The following TNFRSF11B variants were observed in gnomAD, a reference collection of about 807,000 sequenced individuals.
TNFRSF11B encodes the protein tumor necrosis factor receptor superfamily member 11B.
TNFRSF11B carries 16 observed loss-of-function variants against 43.4 expected under a neutral mutation model. The ratio of observed to expected loss-of-function variants is 0.37; its 90% CI spans 0.25 to 0.56. TNFRSF11B has a LOEUF of 0.56. Among genes scored for constraint, TNFRSF11B ranks in the 20% least tolerant of loss-of-function variants. The probability of loss-of-function intolerance (pLI) is 0.80; values close to 1 mark genes in which losing one functional copy is unlikely to be tolerated. For missense variants in TNFRSF11B, 444 were observed against 490.1 expected, an observed-to-expected ratio of 0.91 and a Z score of 0.89; for synonymous variants, 185 against 181.8, an observed-to-expected ratio of 1.02 and a Z score of -0.14.
intron 1 of TNFRSF11B, among the ~76,000 whole-genome samples, chr8:118,943,107 A>T (rs1812511095): frequency 6.6e-6 from 1 of 152,088 alleles, no homozygotes. Flanking sequence ...ATCAGTTGTA[A>T]TTTATACTAA....
rs920871677 is a variant in TNFRSF11B at position 118,924,011 on chromosome 8, TAA to T, written c.*361_*362del. On this transcript the variant is annotated 3_prime_UTR_variant, in exon 5 of 5. Transcript: ENST00000297350. The stretch of plus-strand genomic sequence containing the variant: ...TACAGAAAAAAATATGGCTTTCTAA[TAA>T]AAGCCTCTAGCATAGCTGAAATCTC... 4.8e-5 allele frequency: 9 copies of T among 186,004 alleles called. No individual in the cohort carries two copies. Among genetic ancestry groups the T allele is most frequent in the Non-Finnish European group, 1.0e-4 (9 of 87,382 alleles). The allele number at this position is 186,004 out of a possible 1,614,324, so 11.5% of individuals were successfully genotyped here. A position where few individuals can be genotyped will look rare whatever the true frequency, so the allele number is the denominator to read the frequency against.
chr8:118,951,801 G>C lies in TNFRSF11B; in HGVS notation c.21C>G (p.Cys7Trp). Residue 7 changes from cysteine (C) to tryptophan (W), a missense_variant, in exon 1 of 5, where the codon TGC (cysteine) becomes TGG (tryptophan). By Grantham distance (215) the Cys-to-Trp change is radical (BLOSUM62 -2). Transcript: ENST00000297350. Reference sequence around the variant, plus strand: ...TGGCCCAGGGACTTACCACGAGCGCGCAGCACAGCAAGTTGTTCATTGTGG... The same window carrying C: ...TGGCCCAGGGACTTACCACGAGCGCCCAGCACAGCAAGTTGTTCATTGTGG... MNNLLC[C>W]ALVFLDISIK... is the part of the protein sequence containing the mutation. 1 of 1,593,068 alleles carries C rather than the reference G, an allele frequency of 6.3e-7. No homozygotes were observed. The highest frequency in any genetic ancestry group is 8.5e-7 in the Non-Finnish European group (1 of 1,170,056).
chr8:118,941,731 AAAC>A (rs1309863134), intron 1 of TNFRSF11B, among the ~76,000 whole-genome samples: 1 of 151,738 alleles, frequency 6.6e-6, no homozygotes, highest in East Asian at 2.0e-4. Flanking sequence ...AAAAAACAAA[AAAC>A]AAAAACAAGA....
intron 1 of TNFRSF11B, among the ~76,000 whole-genome samples, chr8:118,942,285 C>T (rs1812497961): frequency 7.3e-6 from 1 of 137,310 alleles, no homozygotes; most frequent in South Asian, 2.3e-4. Context: ...GTTTGAACAT[C>T]AATATTTAAA....
intron 1 of TNFRSF11B, among the ~76,000 whole-genome samples, chr8:118,943,661 AAT>A (rs1356374634): frequency 6.6e-6 from 1 of 152,174 alleles, no homozygotes; most frequent in Non-Finnish European, 1.5e-5. Flanking sequence ...AATTAAGTGA[AAT>A]ATGGTATGTA....
chr8:118,934,809 C>A (rs758299191), intron 1 of TNFRSF11B, among the ~76,000 whole-genome samples: 7 of 152,116 alleles, frequency 4.6e-5, no homozygotes, highest in Non-Finnish European at 1.0e-4. Context: ...TCACAGGAAC[C>A]CCCTGACCTG....
At chr8:118,931,264 G>A (rs11573911) in intron 2 of TNFRSF11B, among the ~76,000 whole-genome samples, 4,556 of 152,192 alleles carry the variant, frequency 0.03, 219 homozygotes, top group African/African-American at 0.1. Flanking sequence ...AAGAGGAACT[G>A]CTGTGTGGGT....
chr8:118,943,143 C>T (rs1812511833), intron 1 of TNFRSF11B, among the ~76,000 whole-genome samples: 1 of 152,062 alleles, frequency 6.6e-6, no homozygotes, highest in Admixed American at 6.6e-5. Flanking sequence ...TAATTTGCTC[C>T]CTTGAATTTG....
intron 2 of TNFRSF11B, among the ~76,000 whole-genome samples, chr8:118,931,560 C>T (rs1812329749): frequency 6.6e-6 from 1 of 152,144 alleles, no homozygotes; most frequent in South Asian, 2.1e-4. Flanking sequence ...CTGACACACA[C>T]ACAACTTAGC....
intron 1 of TNFRSF11B, among the ~76,000 whole-genome samples, chr8:118,950,382 G>A (rs1812624452): frequency 6.6e-6 from 1 of 152,154 alleles, no homozygotes; most frequent in African/African-American, 2.4e-5. Flanking sequence ...TCTCACAACA[G>A]AACTTTCAGT....
In TNFRSF11B at chr8:118,933,447, T is replaced by G; in HGVS notation, c.31-147A>C. On this transcript the variant is annotated intron_variant, in intron 1 of 4. Transcript: ENST00000297350. ...AAGTAAGCTTGGAAGCCATAATTTTTGCCTCCGGGAGCTTAATCTCAAAGA... is the reference window on the plus strand; with the variant it reads ...AAGTAAGCTTGGAAGCCATAATTTTGGCCTCCGGGAGCTTAATCTCAAAGA... 2.5e-6 allele frequency: 3 copies of G among 1,191,146 alleles called. No homozygotes were observed. The Admixed American group carries it at 6.0e-5, about 24-fold the overall frequency. The allele number at this position is 1,191,146 out of a possible 1,614,324, so 73.8% of individuals were successfully genotyped here.
chr8:118,926,845 A>C, intron 3 of TNFRSF11B, 127 bp from the exon 4 acceptor site: 1 of 963,078 alleles, frequency 1.0e-6, no homozygotes, highest in Non-Finnish European at 1.6e-6. Flanking sequence ...CTAAAATGCA[A>C]AGTTTGAATA....
intron 4 of TNFRSF11B, 22 bp from the exon 5 acceptor site, chr8:118,924,784 A>G (rs1373087204): frequency 6.2e-6 from 10 of 1,613,960 alleles, no homozygotes; most frequent in African/African-American, 1.3e-5. Context: ...AAAAGCCCAG[A>G]TAAGTGTTCA....
chr8:118,926,261 G>GT (rs1260451700), intron 4 of TNFRSF11B, among the ~76,000 whole-genome samples: 1 of 152,168 alleles, frequency 6.6e-6, no homozygotes, highest in Non-Finnish European at 1.5e-5. Flanking sequence ...CTCTTAGAGT[G>GT]TTCAACATAC....
At chr8:118,945,587 C>T (rs1160241791) in intron 1 of TNFRSF11B, among the ~76,000 whole-genome samples, 1 of 152,134 alleles carries the variant, frequency 6.6e-6, no homozygotes, top group Non-Finnish European at 1.5e-5. Flanking sequence ...TGACCCACAA[C>T]TGAATTGTTA....
intron 1 of TNFRSF11B, among the ~76,000 whole-genome samples, chr8:118,937,046 G>A (rs1313288830): frequency 6.6e-6 from 1 of 152,040 alleles, no homozygotes; most frequent in Non-Finnish European, 1.5e-5. Context: ...TTTTTTGAAA[G>A]GAAAGTTAAG....
At chr8:118,947,742 G>T (rs999582833) in intron 1 of TNFRSF11B, among the ~76,000 whole-genome samples, 3 of 152,126 alleles carry the variant, frequency 2.0e-5, no homozygotes, top group Admixed American at 6.5e-5. Flanking sequence ...ATTAAAATTT[G>T]TTCTGTTTAA....
intron 3 of TNFRSF11B, among the ~76,000 whole-genome samples, chr8:118,927,912 C>T (rs1270880153): frequency 3.3e-5 from 5 of 152,204 alleles, no homozygotes; most frequent in Admixed American, 3.3e-4. Flanking sequence ...TACTAGTGAC[C>T]TGTACCCAAT....
intron 4 of TNFRSF11B, among the ~76,000 whole-genome samples, chr8:118,925,419 A>G (rs1264118789): frequency 2.0e-5 from 3 of 152,234 alleles, no homozygotes; most frequent in Non-Finnish European, 4.4e-5. Flanking sequence ...AAATGTCCTC[A>G]TTTATAAAAT....
Sources: allele counts gnomAD v4.1 joint callset (sites outside exome capture counted in the v4.1 genomes callset), GRCh38; gene constraint gnomAD v4.1.1; transcripts MANE v1.5; gene names NCBI Gene and HGNC (gene_info 2026-07-23, HGNC 2026-07-21).